Variants in TIAM2 observed in about 807,000 individuals in gnomAD.
TIAM2 encodes the protein TIAM Rac1 associated GEF 2, also known as rho guanine nucleotide exchange factor TIAM2.
A neutral mutation model predicts 152.9 loss-of-function variants in TIAM2; 80 were observed. The ratio of observed to expected loss-of-function variants is 0.52; its 90% CI spans 0.44 to 0.63. TIAM2 has a LOEUF of 0.63. Ranked by LOEUF, TIAM2 falls within the 30% of genes least tolerant of loss-of-function variation. The pLI is 0.00. For missense variants in TIAM2, 1,965 were observed against 2,120.1 expected (o/e 0.93, Z 1.44); for synonymous variants, 804 against 838.0 (o/e 0.96, Z 0.70).
At chr6:155,017,996 G>A (rs1778626984) in intron 1 of TIAM2, among the ~76,000 whole-genome samples, 1 of 152,156 alleles carries the variant, frequency 6.6e-6, no homozygotes, top group Non-Finnish European at 1.5e-5. Context: ...GACTTCATAT[G>A]AAAAGCCAGA....
At chr6:155,216,175 A>AT (rs1781855586) in intron 15 of TIAM2, among the ~76,000 whole-genome samples, 2 of 151,788 alleles carry the variant, frequency 1.3e-5, no homozygotes, top group African/African-American at 4.8e-5. Flanking sequence ...CTGGGAGTGG[A>AT]TTTTTTGGGA....
intron 14 of TIAM2, among the ~76,000 whole-genome samples, chr6:155,207,826 T>C (rs1247165231): frequency 1.3e-5 from 2 of 152,192 alleles, no homozygotes; most frequent in African/African-American, 4.8e-5. Flanking sequence ...CTTCCCTAAG[T>C]GAATGAGTAC....
intron 7 of TIAM2, among the ~76,000 whole-genome samples, chr6:155,150,340 T>C (rs1320909660): frequency 2.0e-5 from 3 of 152,250 alleles, no homozygotes; most frequent in Non-Finnish European, 2.9e-5. Flanking sequence ...TGACAGCTGG[T>C]ATAGTCATCA....
intron 1 of TIAM2, among the ~76,000 whole-genome samples, chr6:155,081,327 C>G (rs1481929727): frequency 1.3e-5 from 2 of 151,024 alleles, no homozygotes; most frequent in Admixed American, 6.6e-5. Flanking sequence ...TACTTACAGT[C>G]ATTCAACAAT....
In TIAM2 at chr6:155,175,515, G is replaced by C. The variant is rs547198060; in HGVS notation, c.2362-1301G>C. Among the ~76,000 whole-genome samples the C allele has an allele frequency of 4.6e-5, 7 of 152,260 alleles. No homozygotes were observed. The South Asian group carries it at 1.5e-3, about 32-fold the overall frequency. On this transcript the variant is annotated intron_variant, in intron 9 of 26. Transcript: ENST00000682666. ...GTGTTTCACATAAGTGACCTCTTTT[G>C]CTCACAAAAACTTAAGTAACAAGTA...
chr6:155,019,492 C>T (rs1011249735), intron 1 of TIAM2, among the ~76,000 whole-genome samples: 7 of 152,120 alleles, frequency 4.6e-5, no homozygotes, highest in African/African-American at 7.2e-5. Flanking sequence ...ATGTGTTAAA[C>T]GAATGATTAA....
At position 155,009,891 on chromosome 6, in the gene TIAM2, C is replaced by A. The variant is rs1241201550; in HGVS notation, c.-209+14399C>A. Among the ~76,000 whole-genome samples the A allele has an allele frequency of 2.0e-5, 3 of 151,920 alleles. 1 individual carries two copies. The highest frequency in any genetic ancestry group is 4.4e-5 in the Non-Finnish European group (3 of 67,996). On this transcript the variant is annotated intron_variant, in intron 1 of 26. Coordinates refer to ENST00000682666, the MANE Select transcript of TIAM2 (RefSeq NM_012454.4). Reference sequence around the variant, plus strand: ...TTTTCCAGGCTGAGTCTCACTCTGTCACCCAGGCTGGAATGCAGTGGTGCA... The same window carrying A: ...TTTTCCAGGCTGAGTCTCACTCTGTAACCCAGGCTGGAATGCAGTGGTGCA...
At chr6:155,055,532 T>C (rs549829710) in intron 1 of TIAM2, among the ~76,000 whole-genome samples, 1 of 152,342 alleles carries the variant, frequency 6.6e-6, no homozygotes, top group Non-Finnish European at 1.5e-5. Context: ...TGACTTTTGG[T>C]TTCGTACGTG....
intron 9 of TIAM2, among the ~76,000 whole-genome samples, chr6:155,169,521 C>G (rs901602557): frequency 2.6e-5 from 4 of 152,184 alleles, no homozygotes; most frequent in Non-Finnish European, 5.9e-5. Context: ...TATTCCTCAG[C>G]AGTACTTACC....
At chr6:155,131,777 C>G (rs545222953) in intron 4 of TIAM2, among the ~76,000 whole-genome samples, 1 of 151,968 alleles carries the variant, frequency 6.6e-6, no homozygotes, top group South Asian at 2.1e-4. Flanking sequence ...CGGGGTTTCA[C>G]CATGTTGGCC....
In TIAM2 at chr6:155,025,238, G is replaced by T. The variant is rs1583156012; in HGVS notation, c.-209+29746G>T. On this transcript the variant is annotated intron_variant, in intron 1 of 26. Coordinates refer to ENST00000682666, the MANE Select transcript of TIAM2 (RefSeq NM_012454.4). The stretch of plus-strand genomic sequence containing the variant: ...AGACGGAGTCTCGCTCTGTTACCCA[G>T]GCTGGAGTGCAGTGGCATGATCTCA... 2.0e-5 allele frequency among the ~76,000 whole-genome samples: 3 copies of T among 146,860 alleles called. 1 individual carries two copies. In the South Asian group the frequency reaches 6.4e-4, roughly 32 times the overall value.
chr6:155,004,747 T>C (rs12196473), intron 1 of TIAM2: 20,939 of 152,416 alleles, frequency 0.14, 1,470 homozygotes, highest in Middle Eastern at 0.19. Flanking sequence ...AACCTGGTAT[T>C]TTGAGCTTAG....
Position 155,253,215 on chromosome 6 carries a change from T to A in TIAM2, c.4225+162T>A, listed in dbSNP as rs115440915. 3.1e-3 allele frequency: 1,812 copies of A among 577,392 alleles called. 24 individuals are homozygous for A. Among genetic ancestry groups the A allele is most frequent in the African/African-American group, 0.03 (1,609 of 53,596 alleles). The allele number at this position is 577,392 out of a possible 1,614,324, so 35.8% of individuals were successfully genotyped here. On this transcript the variant is annotated intron_variant, in intron 24 of 26. Transcript: ENST00000682666. ...GTTGTTTTGATGTTCCTTAGCAGACTTCTGGGAGAAACTAAATGCTGGTGG... is the reference window on the plus strand; with the variant it reads ...GTTGTTTTGATGTTCCTTAGCAGACATCTGGGAGAAACTAAATGCTGGTGG...
At chr6:155,046,390 C>T (rs1241213264) in intron 1 of TIAM2, among the ~76,000 whole-genome samples, 1 of 124,950 alleles carries the variant, frequency 8.0e-6, no homozygotes, top group Non-Finnish European at 1.6e-5. Context: ...AGGTGGAGTG[C>T]AGTGGCGTGA....
intron 15 of TIAM2, among the ~76,000 whole-genome samples, chr6:155,230,462 G>A (rs116259921): frequency 6.5e-4 from 99 of 152,232 alleles, no homozygotes; most frequent in African/African-American, 2.1e-3. Context: ...TTGTGTTTCC[G>A]TAGGACCCCC....
chr6:155,071,027 G>A (rs1056504257), intron 1 of TIAM2, among the ~76,000 whole-genome samples: 4 of 152,130 alleles, frequency 2.6e-5, no homozygotes, highest in East Asian at 1.9e-4. Flanking sequence ...AAAAAAATTC[G>A]TGGGACATGG....
chr6:155,220,820 G>T (rs891993031), intron 15 of TIAM2, among the ~76,000 whole-genome samples: 5 of 152,032 alleles, frequency 3.3e-5, no homozygotes, highest in African/African-American at 1.2e-4. Context: ...GAATGTGCAG[G>T]TTTGTTACAT....
Position 155,218,096 on chromosome 6 carries a change from C to G in TIAM2, c.3168+6789C>G, listed in dbSNP as rs1781910496. Among the ~76,000 whole-genome samples, 1 of 152,116 alleles carries G rather than the reference C, an allele frequency of 6.6e-6. No individual in the cohort carries two copies. The highest frequency in any genetic ancestry group is 2.1e-4 in the South Asian group (1 of 4,830). On this transcript the variant is annotated intron_variant, in intron 15 of 26. Coordinates refer to ENST00000682666, the MANE Select transcript of TIAM2 (RefSeq NM_012454.4). The surrounding 1 kb of genome is among the most constrained non-coding windows in gnomAD (Gnocchi z 4.5). ...ATACTTGCCTGCATTATTGCAAGAT[C>G]TTTTTGGTTATGTTTTTGTTAGGCA...
In TIAM2 at chr6:155,248,126, A is replaced by T. The variant is rs778387800; in HGVS notation, c.3779A>T (p.Lys1260Met). The T allele has an allele frequency of 6.8e-6, 11 of 1,614,188 alleles. No individual in the cohort carries two copies. Among genetic ancestry groups the T allele is most frequent in the Non-Finnish European group, 9.3e-6 (11 of 1,180,038 alleles). Residue 1260 changes from lysine (K) to methionine (M), a missense_variant, in exon 20 of 27, where the codon AAG (lysine) becomes ATG (methionine). This residue lies in a region of TIAM2 where 935 missense variants were observed against 980.0 expected (regional missense o/e 0.95). Transcript: ENST00000682666. The part of the protein sequence containing the change: ...QRVLKYPLLL[K>M]ELVSLTDQES... ...GTGCTCAAGTACCCGCTGCTGCTCA[A>T]GGAGCTGGTGTCCCTGACGGACCAG... is the stretch of plus-strand genomic sequence containing the variant.
Sources: allele counts gnomAD v4.1 joint callset (sites outside exome capture counted in the v4.1 genomes callset), GRCh38; gene constraint gnomAD v4.1.1; regional missense constraint gnomAD v4.1.1; non-coding constraint Gnocchi (gnomAD v3.1); transcripts MANE v1.5; gene names NCBI Gene and HGNC (gene_info 2026-07-23, HGNC 2026-07-21).